Variants in ERICH1 observed in about 807,000 individuals in gnomAD.
ERICH1 encodes the protein glutamate rich 1.
Under a neutral mutation model 39.6 loss-of-function variants are expected in ERICH1, and 56 were observed. The ratio of observed to expected loss-of-function variants is 1.41; its 90% CI spans 1.14 to 1.77. ERICH1 has a LOEUF of 1.77. Among genes scored for constraint, ERICH1 ranks in the 40% most tolerant of loss-of-function variants. ERICH1 has a pLI of 0.00. For missense variants in ERICH1, 826 were observed against 575.4 expected (o/e 1.44, Z -4.45); for synonymous variants, 313 against 223.6 (o/e 1.40, Z -3.57).
At chr8:708,803 C>T (rs1246574545) in intron 2 of ERICH1, among the ~76,000 whole-genome samples, 1 of 149,824 alleles carries the variant, frequency 6.7e-6, no homozygotes, top group Non-Finnish European at 1.5e-5. Context: ...AAGTGACCCT[C>T]CCACCTCAGC....
At chr8:650,430 G>A (rs950596583) in intron 3 of ERICH1, among the ~76,000 whole-genome samples, 1 of 152,204 alleles carries the variant, frequency 6.6e-6, no homozygotes, top group Non-Finnish European at 1.5e-5. Flanking sequence ...AGCCCTTGTC[G>A]CCTTAACTCG....
intron 1 of ERICH1, among the ~76,000 whole-genome samples, chr8:718,702 AT>A (rs1816604133): frequency 6.6e-6 from 1 of 152,038 alleles, no homozygotes. Context: ...CTCGGAAGAG[AT>A]TTACGTGATC....
chr8:703,034 G>A (rs919158039), intron 2 of ERICH1, among the ~76,000 whole-genome samples: 2 of 152,216 alleles, frequency 1.3e-5, no homozygotes, highest in African/African-American at 2.4e-5. Flanking sequence ...ATGCACATGA[G>A]CTGCGTGAGC....
chr8:689,489 G>A (rs539134167), intron 3 of ERICH1, among the ~76,000 whole-genome samples: 6 of 152,294 alleles, frequency 3.9e-5, no homozygotes, highest in East Asian at 1.9e-4. Flanking sequence ...TTCCCTGAAC[G>A]AGGCTTTCAG....
intron 3 of ERICH1, among the ~76,000 whole-genome samples, chr8:642,703 C>T (rs1331411655): frequency 1.3e-5 from 2 of 152,230 alleles, no homozygotes; most frequent in East Asian, 3.9e-4. Context: ...CATCATCCCA[C>T]AAACGCGTTG....
chr8:616,238 G>A (rs1796892262), intron 3 of ERICH1: 1 of 257,036 alleles, frequency 3.9e-6, no homozygotes, highest in Non-Finnish European at 7.8e-6. Context: ...GTTTCTCTGT[G>A]TTCAAATGGT....
At chr8:699,138 A>G (rs1244370921) in intron 2 of ERICH1, among the ~76,000 whole-genome samples, 3 of 151,960 alleles carry the variant, frequency 2.0e-5, no homozygotes, top group South Asian at 2.1e-4. Flanking sequence ...AACCCACTAA[A>G]TATCAGCTCA....
At chr8:616,329 C>A (rs999787403) in intron 3 of ERICH1, 33 of 338,082 alleles carry the variant, frequency 9.8e-5, no homozygotes, top group Non-Finnish European at 1.9e-4. Context: ...GACGCGTTAA[C>A]TGAAAGTTGC....
chr8:699,540 C>T (rs1811196141), intron 2 of ERICH1, among the ~76,000 whole-genome samples: 1 of 152,184 alleles, frequency 6.6e-6, no homozygotes, highest in African/African-American at 2.4e-5. Context: ...AGGGTGACGG[C>T]GACTCACAAA....
At chr8:649,461 G>A (rs1449974798) in intron 3 of ERICH1, among the ~76,000 whole-genome samples, 1 of 152,232 alleles carries the variant, frequency 6.6e-6, no homozygotes, top group Admixed American at 6.5e-5. Flanking sequence ...TCAAGGTCAA[G>A]CACAGAGAAT....
Position 647,295 on chromosome 8 carries a change from G to A in ERICH1, c.976+21303C>T, listed in dbSNP as rs1233940628. On this transcript the variant is annotated intron_variant, in intron 3 of 3. Coordinates refer to the ERICH1 transcript ENST00000522706. ...ACAACGGTGGCACTGGCGACAAGAC[G>A]CGTGAACCTTACCAAGTGGATGCTG... Among the ~76,000 whole-genome samples, 7 of 67,760 alleles carry A rather than the reference G, an allele frequency of 1.0e-4. 3 individuals carry two copies. In the East Asian group the frequency reaches 2.1e-3, roughly 20 times the overall value. The allele number at this position is 67,760 out of a possible 152,430, so 44.5% of individuals were successfully genotyped here.
intron 1 of ERICH1, among the ~76,000 whole-genome samples, chr8:724,506 G>C (rs1207304108): frequency 6.6e-6 from 1 of 152,060 alleles, no homozygotes; most frequent in Non-Finnish European, 1.5e-5. Context: ...GGCTTCCGGA[G>C]AGGCCGGCAC....
chr8:627,948 G>A (rs992563449), intron 3 of ERICH1, among the ~76,000 whole-genome samples: 1 of 152,160 alleles, frequency 6.6e-6, no homozygotes, highest in Admixed American at 6.5e-5. Flanking sequence ...GGGCCGGGGG[G>A]GCCTGGAACG....
intron 2 of ERICH1, among the ~76,000 whole-genome samples, chr8:712,703 C>G (rs1815032692): frequency 6.6e-6 from 1 of 152,154 alleles, no homozygotes; most frequent in Non-Finnish European, 1.5e-5. Flanking sequence ...TCCCAAAGTG[C>G]TGGGTGTTTT....
intron 3 of ERICH1, chr8:616,055 C>G: frequency 6.4e-6 from 1 of 155,446 alleles, no homozygotes; most frequent in East Asian, 1.9e-4. Flanking sequence ...TCCGCCCTGT[C>G]ACAGTACACG....
At chr8:685,937 C>T (rs558162992) in intron 3 of ERICH1, among the ~76,000 whole-genome samples, 76 of 147,184 alleles carry the variant, frequency 5.2e-4, no homozygotes, top group South Asian at 1.3e-3. Context: ...TTGACCCCAG[C>T]GGTTCGAGAC....
intron 3 of ERICH1, among the ~76,000 whole-genome samples, chr8:655,061 GAAC>G (rs1800451608): frequency 6.6e-6 from 1 of 152,302 alleles, no homozygotes; most frequent in African/African-American, 2.4e-5. Flanking sequence ...AAGCCGTGGA[GAAC>G]AACAAAAAGG....
At chr8:692,088 A>G (rs2132064505) in intron 3 of ERICH1, among the ~76,000 whole-genome samples, 1 of 152,360 alleles carries the variant, frequency 6.6e-6, no homozygotes, top group Non-Finnish European at 1.5e-5. Flanking sequence ...TTTGATGTAC[A>G]ATGTCAGAAA....
At position 668,608 on chromosome 8, in the gene ERICH1, C is replaced by G. The variant is rs1478214978; in HGVS notation, c.1248G>C (p.Thr416=). The G allele has an allele frequency of 6.2e-7, 1 of 1,614,094 alleles. No individual in the cohort carries two copies. The highest frequency in any genetic ancestry group is 8.5e-7 in the Non-Finnish European group (1 of 1,180,040). ...TCGTACGGTACTTACCAGGAGGCAT[C>G]GTGCAATGTTCTGGGAACATTTCCA... ...HALEMFPEHC[T]MPPDHARVIS... Residue 416 remains threonine, a synonymous_variant, in exon 5 of 6, where the codon ACG becomes ACC. Coordinates refer to ENST00000262109, the MANE Select transcript of ERICH1 (RefSeq NM_207332.3).
Sources: allele counts gnomAD v4.1 joint callset (sites outside exome capture counted in the v4.1 genomes callset), GRCh38; gene constraint gnomAD v4.1.1; transcripts MANE v1.5; gene names NCBI Gene and HGNC (gene_info 2026-07-23, HGNC 2026-07-21).